PAPPA2: variants seen among roughly 807,000 people sequenced by gnomAD.
The protein encoded by PAPPA2 is pappalysin 2.
Under a neutral mutation model 176.4 loss-of-function variants are expected in PAPPA2, and 86 were observed. The ratio of observed to expected loss-of-function variants is 0.49; its 90% CI spans 0.41 to 0.58. The LOEUF (loss-of-function observed/expected upper bound fraction) is 0.58, where lower values mean the gene tolerates loss of function less well. Among genes scored for constraint, PAPPA2 ranks in the 20% least tolerant of loss-of-function variants. PAPPA2 has a pLI of 0.00. For synonymous variants in PAPPA2, 809 were observed against 852.2 expected (o/e 0.95, Z 0.88); for missense variants, 2,073 against 2,256.9 (o/e 0.92, Z 1.65).
At chr1:176,833,860 A>G (rs1160392440) in intron 21 of PAPPA2, among the ~76,000 whole-genome samples, 1 of 151,994 alleles carries the variant, frequency 6.6e-6, no homozygotes, top group Non-Finnish European at 1.5e-5. Flanking sequence ...GTGTATATAT[A>G]TATATATATG....
chr1:176,690,911 TA>T (rs3039065), intron 5 of PAPPA2: 394,272 of 923,858 alleles, frequency 0.43, 19,559 homozygotes, highest in Admixed American at 0.61. Context: ...TGTATGTTAC[TA>T]AAAAAAAAAA....
chr1:176,595,984 C>T (rs1241649971), intron 3 of PAPPA2, among the ~76,000 whole-genome samples: 1 of 152,232 alleles, frequency 6.6e-6, no homozygotes, highest in East Asian at 1.9e-4. Flanking sequence ...ATACTAATTA[C>T]ACGTGACAAT....
intron 12 of PAPPA2, 74 bp from the exon 13 acceptor site, chr1:176,739,552 A>G: frequency 6.8e-7 from 1 of 1,472,716 alleles, no homozygotes; most frequent in Non-Finnish European, 9.1e-7. Flanking sequence ...TCTAAGAAGA[A>G]TAAAAATTGT....
At chr1:176,816,931 A>G (rs1666429118) in intron 21 of PAPPA2, among the ~76,000 whole-genome samples, 1 of 151,680 alleles carries the variant, frequency 6.6e-6, no homozygotes, top group South Asian at 2.1e-4. Flanking sequence ...TCCTGAAAGT[A>G]TAAATTTTAG....
At chr1:176,530,192 C>A (rs1649734482) in intron 1 of PAPPA2, among the ~76,000 whole-genome samples, 1 of 152,126 alleles carries the variant, frequency 6.6e-6, no homozygotes, top group Admixed American at 6.5e-5. Context: ...CATGATTTTC[C>A]CAGTCATTTG....
chr1:176,735,881 T>C (rs1272838317), intron 12 of PAPPA2, among the ~76,000 whole-genome samples: 2 of 152,112 alleles, frequency 1.3e-5, no homozygotes. Flanking sequence ...GACCTGAGAA[T>C]CACTTGCTTT....
chr1:176,821,367 T>C (rs1666660395), intron 21 of PAPPA2, among the ~76,000 whole-genome samples: 1 of 152,146 alleles, frequency 6.6e-6, no homozygotes, highest in Non-Finnish European at 1.5e-5. Flanking sequence ...TTATTTGAAG[T>C]AGATTTGAAG....
At chr1:176,731,466 AT>A (rs1246652537) in intron 12 of PAPPA2, among the ~76,000 whole-genome samples, 1 of 151,314 alleles carries the variant, frequency 6.6e-6, no homozygotes, top group East Asian at 1.9e-4. Flanking sequence ...TGCCCAGCTA[AT>A]TTTTTTTCTT....
chr1:176,613,087 G>A (rs1655022132), intron 3 of PAPPA2, among the ~76,000 whole-genome samples: 2 of 152,190 alleles, frequency 1.3e-5, no homozygotes, highest in Non-Finnish European at 2.9e-5. Flanking sequence ...TTGGGAGGGG[G>A]AAGATTGTTG....
chr1:176,570,349 GTTTA>G (rs1652249389), intron 2 of PAPPA2, among the ~76,000 whole-genome samples: 1 of 152,142 alleles, frequency 6.6e-6, no homozygotes, highest in Non-Finnish European at 1.5e-5. Flanking sequence ...TCCTAGCTGA[GTTTA>G]TTTATTAGCC....
At chr1:176,550,988 G>A (rs377068084) in intron 1 of PAPPA2, among the ~76,000 whole-genome samples, 47 of 152,340 alleles carry the variant, frequency 3.1e-4, no homozygotes, top group East Asian at 7.7e-4. Flanking sequence ...AAGACAGTGC[G>A]TAGCCAGAGA....
chr1:176,488,643 A>G (rs1308821090), intron 1 of PAPPA2, among the ~76,000 whole-genome samples: 4 of 152,210 alleles, frequency 2.6e-5, no homozygotes, highest in Non-Finnish European at 4.4e-5. Flanking sequence ...CATAGCAAAC[A>G]GCGAGCACTT....
intron 4 of PAPPA2, among the ~76,000 whole-genome samples, chr1:176,677,027 G>C (rs759558968): frequency 2.0e-5 from 3 of 152,054 alleles, no homozygotes; most frequent in Non-Finnish European, 4.4e-5. Flanking sequence ...TTATTAATGT[G>C]CTTTTCAGAA....
intron 3 of PAPPA2, among the ~76,000 whole-genome samples, chr1:176,615,982 C>G (rs1346665991): frequency 6.6e-6 from 1 of 152,148 alleles, no homozygotes; most frequent in Non-Finnish European, 1.5e-5. Flanking sequence ...TAAACAAGTC[C>G]TAACTCAGTA....
chr1:176,667,494 T>C (rs1658732300), intron 3 of PAPPA2, among the ~76,000 whole-genome samples: 1 of 152,094 alleles, frequency 6.6e-6, no homozygotes, highest in Non-Finnish European at 1.5e-5. Context: ...ACTATGTGTT[T>C]GAGGTTGCAC....
intron 1 of PAPPA2, among the ~76,000 whole-genome samples, chr1:176,467,914 G>A (rs1358115510): frequency 1.3e-5 from 2 of 152,222 alleles, no homozygotes; most frequent in African/African-American, 2.4e-5. Flanking sequence ...TCTCTGTACA[G>A]TGGATTTGAT....
At chr1:176,612,187 C>A (rs957180177) in intron 3 of PAPPA2, among the ~76,000 whole-genome samples, 2 of 152,000 alleles carry the variant, frequency 1.3e-5, no homozygotes, top group Admixed American at 1.3e-4. Context: ...TGAGACCAGG[C>A]GTTTGAGACC....
intron 1 of PAPPA2, among the ~76,000 whole-genome samples, chr1:176,477,759 T>TA (rs1333444069): frequency 2.1e-4 from 27 of 127,526 alleles, no homozygotes; most frequent in African/African-American, 9.0e-4. Flanking sequence ...AATAAATAAA[T>TA]AAAAAACATT....
Position 176,666,015 on chromosome 1 carries a change from C to T in PAPPA2, c.1992-4955C>T, listed in dbSNP as rs557794921. Among the ~76,000 whole-genome samples the T allele has an allele frequency of 2.0e-5, 3 of 152,170 alleles. No homozygotes were observed. In the South Asian group the frequency reaches 6.2e-4, roughly 32 times the overall value. On this transcript the variant is annotated intron_variant, in intron 3 of 22. Transcript: ENST00000367662. Reference sequence around the variant, plus strand: ...GGGAGTTGTTCGAATAGTGACAGTGCTTTGAAGTTTAAGAATAGAAGGGCT... The same window carrying T: ...GGGAGTTGTTCGAATAGTGACAGTGTTTTGAAGTTTAAGAATAGAAGGGCT...
Sources: gnomAD v4.1 joint callset for allele counts (sites outside exome capture counted in the v4.1 genomes callset) on GRCh38, gnomAD v4.1.1 for gene constraint, MANE v1.5 for transcripts, NCBI Gene and HGNC (gene_info 2026-07-23, HGNC 2026-07-21) for gene names.